The following LITAF variants were observed in gnomAD, a reference collection of about 807,000 sequenced individuals.
LITAF encodes lipopolysaccharide induced TNF factor, also known as lipopolysaccharide-induced tumor necrosis factor-alpha factor.
LITAF carries 9 observed loss-of-function variants against 14.5 expected under a neutral mutation model. That is an observed-to-expected ratio of 0.62 (90% confidence interval 0.37 to 1.08). The LOEUF (loss-of-function observed/expected upper bound fraction) is 1.08, where lower values mean the gene tolerates loss of function less well. Among genes scored for constraint, LITAF ranks in the 50% least tolerant of loss-of-function variants. LITAF has a pLI of 0.01. For synonymous variants in LITAF, 98 were observed against 88.2 expected (o/e 1.11, Z -0.62); for missense variants, 206 against 213.4 (o/e 0.97, Z 0.22).
Position 11,634,993 on chromosome 16 carries a change from C to T in LITAF, c.-21+832G>A, listed in dbSNP as rs2065132493. 6.6e-6 allele frequency among the ~76,000 whole-genome samples: 1 copy of T among 151,878 alleles called. No homozygotes were observed. The highest frequency in any genetic ancestry group is 1.5e-5 in the Non-Finnish European group (1 of 68,006). Reference sequence around the variant, plus strand: ...AGGTTGCAGAGAGCTGAGATCACGCCATTGCACTCCAGCCTGGGCATCACA... The same window carrying T: ...AGGTTGCAGAGAGCTGAGATCACGCTATTGCACTCCAGCCTGGGCATCACA... On this transcript the variant is annotated intron_variant, in intron 2 of 3. Coordinates refer to the LITAF transcript ENST00000574848. This position sits in a 1 kb window ranked among gnomAD's most constrained non-coding sequence, Gnocchi z 4.1.
chr16:11,632,372 G>T lies in LITAF; in HGVS notation c.85+1161C>A, dbSNP rs1388017427. On this transcript the variant is annotated intron_variant, in intron 3 of 3. Coordinates refer to the LITAF transcript ENST00000574848. The surrounding 1 kb of genome is among the most constrained non-coding windows in gnomAD (Gnocchi z 4.8). ...CTGGAGAGAAGGTGAAGGAGGCACC[G>T]AGATGACAGAGACAGGGAGAGGGAC... Among the ~76,000 whole-genome samples the T allele has an allele frequency of 6.6e-6, 1 of 152,060 alleles. No individual in the cohort carries two copies. Among genetic ancestry groups the T allele is most frequent in the Non-Finnish European group, 1.5e-5 (1 of 67,992 alleles).
chr16:11,618,992 AC>A (rs1214256558), intron 3 of LITAF, among the ~76,000 whole-genome samples: 1 of 130,208 alleles, frequency 7.7e-6, no homozygotes, highest in Non-Finnish European at 1.5e-5. Flanking sequence ...TAAAAAAAAA[AC>A]AAAACAAACA....
chr16:11,601,551 C>A (rs891247705), upstream of LITAF, among the ~76,000 whole-genome samples: 1 of 152,150 alleles, frequency 6.6e-6, no homozygotes, highest in African/African-American at 2.4e-5. Flanking sequence ...CAAGGAAACA[C>A]AGTAGGAGCC....
chr16:11,603,919 C>A (rs530416028), intron 3 of LITAF, among the ~76,000 whole-genome samples: 3 of 152,070 alleles, frequency 2.0e-5, no homozygotes, highest in Non-Finnish European at 4.4e-5. Flanking sequence ...TGGTGGCGGG[C>A]GCCTGTAGTC....
upstream of LITAF, among the ~76,000 whole-genome samples, chr16:11,602,091 G>T (rs2064931278): frequency 6.6e-6 from 1 of 152,216 alleles, no homozygotes; most frequent in South Asian, 2.1e-4. Flanking sequence ...CGGGTGCAGT[G>T]GCTCATGCCT....
chr16:11,598,762 C>T (rs986227637), upstream of LITAF, among the ~76,000 whole-genome samples: 1 of 152,138 alleles, frequency 6.6e-6, no homozygotes, highest in African/African-American at 2.4e-5. Flanking sequence ...CTGCCTCCTC[C>T]CCATGGTCAT....
intron 1 of LITAF, among the ~76,000 whole-genome samples, chr16:11,578,236 T>C (rs1047889362): frequency 1.3e-5 from 2 of 152,168 alleles, no homozygotes; most frequent in African/African-American, 4.8e-5. Flanking sequence ...CTCTCCTGTG[T>C]GTGGGCTGGA....
At position 11,614,362 on chromosome 16, in the gene LITAF, C is replaced by G. The variant is rs189821480; in HGVS notation, c.85+19171G>C. 8.8e-5 allele frequency among the ~76,000 whole-genome samples: 13 copies of G among 148,420 alleles called. No homozygotes were observed. The East Asian group carries it at 2.6e-3, about 30-fold the overall frequency. The stretch of plus-strand genomic sequence containing the variant: ...TCACCCAGGCTGGAGTGCAGTGGCA[C>G]AATCTTGGCTCACTGCAACCTCCAC... On this transcript the variant is annotated intron_variant, in intron 3 of 3. Transcript: ENST00000574848.
chr16:11,607,439 T>C (rs1221130589), intron 3 of LITAF, among the ~76,000 whole-genome samples: 1 of 152,150 alleles, frequency 6.6e-6, no homozygotes, highest in East Asian at 1.9e-4. Flanking sequence ...TCAGTGAGAA[T>C]CTTGAAATTA....
chr16:11,637,253 C>T (rs1025246469), upstream of LITAF, among the ~76,000 whole-genome samples: 8 of 152,188 alleles, frequency 5.3e-5, no homozygotes, highest in Admixed American at 1.3e-4. Context: ...GAGAAGGGGC[C>T]TCACAGTAGG....
chr16:11,562,176 C>A (rs1730819434), intron 1 of LITAF, among the ~76,000 whole-genome samples: 1 of 151,882 alleles, frequency 6.6e-6, no homozygotes, highest in African/African-American at 2.4e-5. Context: ...CTGCCTCAGC[C>A]TCTCAAAGTG....
At chr16:11,638,060 ATATATCTATATATATATC>A (rs1334240139), upstream of LITAF, among the ~76,000 whole-genome samples, 6 of 127,944 alleles carry the variant, frequency 4.7e-5, 1 homozygote, top group Admixed American at 8.6e-5. Flanking sequence ...ATATCTATAT[ATATATCTATATATATATC>A]TATATCTATC....
At chr16:11,638,006 A>ATATATATC (rs1567270981), upstream of LITAF, among the ~76,000 whole-genome samples, 2 of 59,862 alleles carry the variant, frequency 3.3e-5, no homozygotes, top group Admixed American at 1.7e-4. Flanking sequence ...ATATATATCT[A>ATATATATC]TATATATCTA....
chr16:11,600,964 A>G (rs1347426210), upstream of LITAF, among the ~76,000 whole-genome samples: 1 of 152,182 alleles, frequency 6.6e-6, no homozygotes, highest in Non-Finnish European at 1.5e-5. This position sits in a 1 kb window ranked among gnomAD's most constrained non-coding sequence, Gnocchi z 4.1. Context: ...AGTGTGGCTG[A>G]GTGAGGCCTG....
At chr16:11,568,133 C>A (rs2064483895) in intron 1 of LITAF, among the ~76,000 whole-genome samples, 2 of 151,878 alleles carry the variant, frequency 1.3e-5, no homozygotes, top group African/African-American at 4.8e-5. Flanking sequence ...ACAAAAAAGA[C>A]AAAAATTAGC....
At chr16:11,579,698 G>A (rs940105885) in intron 1 of LITAF, among the ~76,000 whole-genome samples, 2 of 152,036 alleles carry the variant, frequency 1.3e-5, no homozygotes, top group South Asian at 4.1e-4. Flanking sequence ...TGTGAATAAT[G>A]GAGAGAACCA....
At chr16:11,557,264 C>T (rs1043256823) in intron 1 of LITAF, among the ~76,000 whole-genome samples, 2 of 150,774 alleles carry the variant, frequency 1.3e-5, no homozygotes, top group Admixed American at 1.3e-4. Flanking sequence ...AAAATGAATC[C>T]ATGGAGCGGT....
chr16:11,610,578 T>C (rs1031293967), intron 3 of LITAF, among the ~76,000 whole-genome samples: 2 of 152,002 alleles, frequency 1.3e-5, no homozygotes, highest in Admixed American at 6.6e-5. Context: ...CTTCCCAGAG[T>C]GCTCAGGTTT....
At chr16:11,614,882 G>C (rs963338896) in intron 3 of LITAF, among the ~76,000 whole-genome samples, 5 of 152,184 alleles carry the variant, frequency 3.3e-5, no homozygotes, top group Non-Finnish European at 7.3e-5. Flanking sequence ...TGTTCTAGAC[G>C]GCAGGCAGTT....
Sources: allele counts gnomAD v4.1 joint callset (sites outside exome capture counted in the v4.1 genomes callset), GRCh38; gene constraint gnomAD v4.1.1; non-coding constraint Gnocchi (gnomAD v3.1); transcripts MANE v1.5; gene names NCBI Gene and HGNC (gene_info 2026-07-23, HGNC 2026-07-21).